The following STK31 variants were observed in gnomAD, a reference collection of about 807,000 sequenced individuals.
The protein encoded by STK31 is serine/threonine kinase 31, also known as serine/threonine-protein kinase 31.
Under a neutral mutation model 129.7 loss-of-function variants are expected in STK31, and 89 were observed. The observed-to-expected ratio is 0.69, with a 90% confidence interval of 0.58 to 0.82. The LOEUF (loss-of-function observed/expected upper bound fraction) is 0.82. Ranked by LOEUF, STK31 falls within the 40% of genes least tolerant of loss-of-function variation. The probability of loss-of-function intolerance (pLI) is 0.00; values close to 1 mark genes in which losing one functional copy is unlikely to be tolerated. For missense variants in STK31, 1,187 were observed against 1,176.4 expected, an observed-to-expected ratio of 1.01 and a Z score of -0.13; for synonymous variants, 448 against 395.3, an observed-to-expected ratio of 1.13 and a Z score of -1.58.
intron 15 of STK31, among the ~76,000 whole-genome samples, chr7:23,775,450 C>G (rs767001970): frequency 6.6e-6 from 1 of 152,172 alleles, no homozygotes; most frequent in Non-Finnish European, 1.5e-5. Context: ...GTTCATTCTT[C>G]CTATCCATGA....
chr7:23,807,149 T>C (rs535053653), intron 22 of STK31, among the ~76,000 whole-genome samples: 43 of 152,268 alleles, frequency 2.8e-4, no homozygotes, highest in Admixed American at 1.1e-3. Context: ...TTTATTCTTA[T>C]TCTTTTTAAA....
In STK31 at chr7:23,749,904, A is replaced by G. The variant is rs900404897; in HGVS notation, c.1018-2813A>G. 3.9e-5 allele frequency among the ~76,000 whole-genome samples: 6 copies of G among 152,084 alleles called. No homozygotes were observed. The East Asian group carries it at 5.8e-4, about 15-fold the overall frequency. ...TGGAATTGGGTATTTACCTCCTCCC[A>G]TGTGGAAGGATAGAGCTGGCTGGAG... On this transcript the variant is annotated intron_variant, in intron 8 of 23. Transcript: ENST00000355870.
Position 23,717,461 on chromosome 7 carries a change from A to G in STK31, c.151-20A>G. 2 of 1,507,402 alleles carry G rather than the reference A, an allele frequency of 1.3e-6. No individual in the cohort carries two copies. The highest frequency in any genetic ancestry group is 1.8e-6 in the Non-Finnish European group (2 of 1,089,080). 93.4% of individuals were successfully genotyped at this position (1,507,402 alleles called of 1,614,324 possible). A position where few individuals can be genotyped will look rare whatever the true frequency, so the allele number is the denominator to read the frequency against. Reference sequence around the variant, plus strand: ...AAAATAATATTTTACTGTATCTTATACTATATCTAATCTTTCTAGAGTATC... The same window carrying G: ...AAAATAATATTTTACTGTATCTTATGCTATATCTAATCTTTCTAGAGTATC... On this transcript the variant is annotated intron_variant, in intron 3 of 23. Coordinates refer to ENST00000355870, the MANE Select transcript of STK31 (RefSeq NM_031414.5).
chr7:23,732,475 C>A (rs1304201752), intron 6 of STK31, among the ~76,000 whole-genome samples: 1 of 152,006 alleles, frequency 6.6e-6, no homozygotes, highest in Non-Finnish European at 1.5e-5. Context: ...CTCTGTCATT[C>A]TTTTTGTTAG....
chr7:23,785,621 T>A lies in STK31; in HGVS notation c.2274+18T>A. On this transcript the variant is annotated intron_variant, in intron 18 of 23. Transcript: ENST00000355870. ...TGTTAAAGGTAAGTCTAACTTCTTC[T>A]TACTTGTGGGAGATTCAGCAGCATA... 17 of 1,605,374 alleles carry A rather than the reference T, an allele frequency of 1.1e-5. No individual in the cohort carries two copies. The highest frequency in any genetic ancestry group is 1.4e-5 in the Non-Finnish European group (17 of 1,174,156).
chr7:23,826,882 G>C (rs1289801949), intron 23 of STK31, among the ~76,000 whole-genome samples: 1 of 152,036 alleles, frequency 6.6e-6, no homozygotes, highest in Non-Finnish European at 1.5e-5. Context: ...TGAAATTCTG[G>C]GTTGAAAATT....
At chr7:23,719,549 C>T (rs1289608482) in intron 4 of STK31, among the ~76,000 whole-genome samples, 1 of 152,008 alleles carries the variant, frequency 6.6e-6, no homozygotes, top group Non-Finnish European at 1.5e-5. Flanking sequence ...ATAAAGTGAA[C>T]ATTTCTGACA....
intron 8 of STK31, among the ~76,000 whole-genome samples, chr7:23,750,334 C>G (rs1788638650): frequency 6.6e-6 from 1 of 152,036 alleles, no homozygotes; most frequent in Non-Finnish European, 1.5e-5. Context: ...CTCTGTATCC[C>G]TGTCTGTCTG....
At chr7:23,790,144 G>T (rs951610281) in intron 21 of STK31, among the ~76,000 whole-genome samples, 6 of 152,096 alleles carry the variant, frequency 3.9e-5, no homozygotes, top group African/African-American at 1.4e-4. Flanking sequence ...CAAAATCGTA[G>T]CTAGAAAAAA....
In STK31 at chr7:23,769,088, G is replaced by A. The variant is rs1790011108; in HGVS notation, c.1510G>A (p.Asp504Asn). Residue 504 changes from aspartate (D) to asparagine (N), a missense_variant, in exon 12 of 24, where the codon GAT becomes AAT. Transcript: ENST00000355870. ...ILKKFYDWKC[D>N]KREEFTSVRS... ...TAAAAAATTTTATGACTGGAAGTGT[G>A]ATAAAAGAGAGGAGTTCACCAGTGT... 1 of 1,613,238 alleles carries A rather than the reference G, an allele frequency of 6.2e-7. No homozygotes were observed. The highest frequency in any genetic ancestry group is 8.5e-7 in the Non-Finnish European group (1 of 1,179,448).
chr7:23,824,525 A>C (rs1344845123), intron 23 of STK31, among the ~76,000 whole-genome samples: 3 of 152,136 alleles, frequency 2.0e-5, no homozygotes, highest in Non-Finnish European at 4.4e-5. Flanking sequence ...TTCTAGATAT[A>C]CAATCATGTC....
chr7:23,827,501 A>AT (rs1165849195), intron 23 of STK31, among the ~76,000 whole-genome samples: 1 of 151,384 alleles, frequency 6.6e-6, no homozygotes, highest in African/African-American at 2.4e-5. Flanking sequence ...CATTTGTCTT[A>AT]TTTTTTTCAA....
At chr7:23,710,654 A>G in intron 1 of STK31, 1 of 1,180,384 alleles carries the variant, frequency 8.5e-7, no homozygotes, top group Non-Finnish European at 1.1e-6. Flanking sequence ...TAAGTGTCAG[A>G]GAGCTACGTG....
chr7:23,710,469 C>T, intron 1 of STK31, 134 bp downstream of exon 1: 3 of 1,549,156 alleles, frequency 1.9e-6, no homozygotes, highest in South Asian at 1.2e-5. Flanking sequence ...AGCCGCCCGC[C>T]ACCCCAGAGG....
chr7:23,825,552 C>T (rs1794091378), intron 23 of STK31, among the ~76,000 whole-genome samples: 1 of 152,094 alleles, frequency 6.6e-6, no homozygotes, highest in Non-Finnish European at 1.5e-5. Context: ...AAAACCAGCT[C>T]CTGGATTCAT....
At chr7:23,758,051 A>G (rs960735226) in intron 10 of STK31, among the ~76,000 whole-genome samples, 2 of 152,338 alleles carry the variant, frequency 1.3e-5, no homozygotes, top group East Asian at 3.9e-4. Context: ...GGTTGGGGGT[A>G]GGGTTGCAGA....
At position 23,786,551 on chromosome 7, in the gene STK31, G is replaced by A; in HGVS notation, c.2318G>A (p.Arg773Lys). ...DVDTEAKVIE[R>K]AATYHRAWRE... The stretch of plus-strand genomic sequence containing the variant: ...GACACAGAAGCCAAGGTGATTGAGA[G>A]AGCAGCCACCTACCATAGAGCTTGG... Residue 773 changes from arginine (R) to lysine (K), a missense_variant, in exon 19 of 24, where the codon AGA (arginine) becomes AAA (lysine). Physicochemically the swap from Arg to Lys is conservative, Grantham distance 26. This residue lies in a region of STK31 where 975 missense variants were observed against 934.9 expected (regional missense o/e 1.04). Coordinates refer to ENST00000355870, the MANE Select transcript of STK31 (RefSeq NM_031414.5). 1 of 1,613,734 alleles carries A rather than the reference G, an allele frequency of 6.2e-7. No individual in the cohort carries two copies. Among genetic ancestry groups the A allele is most frequent in the Non-Finnish European group, 8.5e-7 (1 of 1,179,800 alleles).
chr7:23,830,020 G>A (rs1019589842), intron 23 of STK31, among the ~76,000 whole-genome samples: 1 of 151,820 alleles, frequency 6.6e-6, no homozygotes, highest in Non-Finnish European at 1.5e-5. Context: ...TGCAATCTTG[G>A]CTCACTGCAA....
At chr7:23,730,971 G>A (rs1787397257) in intron 6 of STK31, among the ~76,000 whole-genome samples, 1 of 142,886 alleles carries the variant, frequency 7.0e-6, no homozygotes, top group Non-Finnish European at 1.5e-5. Context: ...TGCAACCTCC[G>A]CCTCTTGGGT....
Sources: gnomAD v4.1 joint callset for allele counts (sites outside exome capture counted in the v4.1 genomes callset) on GRCh38, gnomAD v4.1.1 for gene constraint, gnomAD v4.1.1 regional missense constraint, MANE v1.5 for transcripts, NCBI Gene and HGNC (gene_info 2026-07-23, HGNC 2026-07-21) for gene names.